Variants in PDE5A observed in about 807,000 individuals in gnomAD.
PDE5A encodes cGMP-specific 3',5'-cyclic phosphodiesterase.
In PDE5A, 67 loss-of-function variants were observed where a neutral mutation model predicts 110.2. That is an observed-to-expected ratio of 0.61 (90% CI 0.50 to 0.75). The LOEUF is 0.75. Among genes scored for constraint, PDE5A ranks in the 30% least tolerant of loss-of-function variants. The pLI, the probability that PDE5A is intolerant of heterozygous loss-of-function variation, is 0.00. For missense variants in PDE5A, 862 were observed against 1,045.1 expected, an observed-to-expected ratio of 0.82 and a Z score of 2.42; for synonymous variants, 328 against 351.2, an observed-to-expected ratio of 0.93 and a Z score of 0.74.
chr4:119,525,313 G>A lies in PDE5A; in HGVS notation c.1779+236C>T, dbSNP rs868214818. On this transcript the variant is annotated intron_variant, in intron 12 of 20. Transcript: ENST00000354960. This position sits in a 1 kb window ranked among gnomAD's most constrained non-coding sequence, Gnocchi z 4.3. ...TTGAACATCCTGCTCCTATTTTTAGGAACACTCTCCCTTAGTCTTCACCCT... is the reference window on the plus strand; with the variant it reads ...TTGAACATCCTGCTCCTATTTTTAGAAACACTCTCCCTTAGTCTTCACCCT... 7.2e-5 allele frequency among the ~76,000 whole-genome samples: 11 copies of A among 151,936 alleles called. No individual in the cohort carries two copies. Among genetic ancestry groups the A allele is most frequent in the Middle Eastern group, 3.4e-3 (1 of 294 alleles).
chr4:119,591,660 T>C (rs1422040240), intron 3 of PDE5A, among the ~76,000 whole-genome samples: 1 of 152,222 alleles, frequency 6.6e-6, no homozygotes, highest in African/African-American at 2.4e-5. Flanking sequence ...CCTGGGTTTA[T>C]TTTTTGGCCA....
intron 7 of PDE5A, among the ~76,000 whole-genome samples, chr4:119,559,096 T>G (rs1727649461): frequency 6.6e-6 from 1 of 152,152 alleles, no homozygotes; most frequent in African/African-American, 2.4e-5. Context: ...ATCTTTATAC[T>G]AAGACTGTCT....
chr4:119,517,600 TTCTTTC>T (rs1725960109), intron 14 of PDE5A, among the ~76,000 whole-genome samples: 1 of 140,252 alleles, frequency 7.1e-6, no homozygotes, highest in Non-Finnish European at 1.6e-5. Context: ...CTTTTTCTTT[TTCTTTC>T]TTTTTTTTTT....
intron 14 of PDE5A, chr4:119,517,188 A>G (rs1243333367): frequency 1.3e-5 from 2 of 151,720 alleles, no homozygotes; most frequent in South Asian, 2.1e-4. Context: ...CCACATGACC[A>G]TTTTTCTCTT....
chr4:119,624,951 A>C (rs1730287278), intron 1 of PDE5A, among the ~76,000 whole-genome samples: 1 of 152,086 alleles, frequency 6.6e-6, no homozygotes, highest in South Asian at 2.1e-4. Context: ...TGAATCATTC[A>C]ATTGACACCT....
chr4:119,539,205 G>A, intron 10 of PDE5A, 186 bp from the exon 11 acceptor site: 2 of 565,384 alleles, frequency 3.5e-6, no homozygotes, highest in Non-Finnish European at 6.5e-6. Flanking sequence ...GCTTGTTTTG[G>A]AAAACAAAAA....
intron 1 of PDE5A, among the ~76,000 whole-genome samples, chr4:119,620,567 G>A (rs1241892939): frequency 6.6e-6 from 1 of 152,092 alleles, no homozygotes; most frequent in Non-Finnish European, 1.5e-5. Flanking sequence ...GGGAGAGACT[G>A]GACTACAATG....
chr4:119,524,363 T>C (rs929089038), intron 12 of PDE5A, among the ~76,000 whole-genome samples: 2 of 152,152 alleles, frequency 1.3e-5, no homozygotes, highest in Non-Finnish European at 2.9e-5. Context: ...ACAGCCTTTC[T>C]AGAGAACTTG....
At chr4:119,578,420 C>A (rs1345344663) in intron 3 of PDE5A, among the ~76,000 whole-genome samples, 3 of 152,182 alleles carry the variant, frequency 2.0e-5, no homozygotes, top group Non-Finnish European at 4.4e-5. Flanking sequence ...AGGCATCACG[C>A]TACCTGACTT....
chr4:119,621,932 AG>A (rs1730161060), intron 1 of PDE5A, among the ~76,000 whole-genome samples: 2 of 152,170 alleles, frequency 1.3e-5, no homozygotes, highest in Admixed American at 1.3e-4. Context: ...GCACTTTGGG[AG>A]GCCGAGGCGG....
At chr4:119,551,395 T>C (rs967877701) in intron 9 of PDE5A, among the ~76,000 whole-genome samples, 3 of 152,322 alleles carry the variant, frequency 2.0e-5, no homozygotes, top group Admixed American at 2.0e-4. Flanking sequence ...CAAGTTGGAT[T>C]GGTGGGACTG....
rs1177091507 is a variant in PDE5A, at chr4:119,504,693, C to T, written c.2268-94G>A. The T allele has an allele frequency of 3.2e-6, 3 of 933,668 alleles. No individual in the cohort carries two copies. The African/African-American group carries it at 5.0e-5, about 16-fold the overall frequency. 57.8% of individuals were successfully genotyped at this position (933,668 alleles called of 1,614,324 possible). On this transcript the variant is annotated intron_variant, in intron 17 of 20. Coordinates refer to ENST00000354960, the MANE Select transcript of PDE5A (RefSeq NM_001083.4). ...TTACTAATAAAAAAAAGTTAAAACC[C>T]TCTAAACAATGGAAATGGCAGTTTA...
chr4:119,607,292 A>C lies in PDE5A; in HGVS notation c.158T>G (p.Met53Arg). Residue 53 changes from methionine to arginine, a missense_variant, in exon 2 of 21, where the codon ATG (methionine) becomes AGG (arginine). Coordinates refer to ENST00000354960, the MANE Select transcript of PDE5A (RefSeq NM_001083.4). ...TCTCTCAGCAAACCATGCATTGACC[A>C]TTTCTCTGCAGAACAGAACGTGCAG... ...SYFVRKATRE[M>R]VNAWFAERVH... 1 of 1,605,676 alleles carries C rather than the reference A, an allele frequency of 6.2e-7. No individual in the cohort carries two copies. The highest frequency in any genetic ancestry group is 8.5e-7 in the Non-Finnish European group (1 of 1,177,074).
At chr4:119,599,240 T>A (rs1729256980) in intron 2 of PDE5A, among the ~76,000 whole-genome samples, 1 of 152,050 alleles carries the variant, frequency 6.6e-6, no homozygotes, top group Non-Finnish European at 1.5e-5. Flanking sequence ...GAAGAGGATA[T>A]AATCCAAATG....
At chr4:119,587,416 G>A (rs1188561926) in intron 3 of PDE5A, among the ~76,000 whole-genome samples, 8 of 147,334 alleles carry the variant, frequency 5.4e-5, no homozygotes, top group African/African-American at 1.3e-4. Context: ...TCGCTCTGTC[G>A]CCCAGGCCGG....
chr4:119,560,043 T>C (rs560039976), intron 7 of PDE5A, among the ~76,000 whole-genome samples: 9 of 152,316 alleles, frequency 5.9e-5, no homozygotes, highest in Admixed American at 5.2e-4. Flanking sequence ...TTGTACCACA[T>C]TGTCAAAATA....
intron 1 of PDE5A, among the ~76,000 whole-genome samples, chr4:119,621,528 T>C (rs562616968): frequency 2.2e-4 from 33 of 151,938 alleles, no homozygotes; most frequent in African/African-American, 7.5e-4. Flanking sequence ...AAAAGATACA[T>C]GGATAGATGA....
chr4:119,605,223 CACTT>C (rs911017497), intron 2 of PDE5A, among the ~76,000 whole-genome samples: 2 of 152,170 alleles, frequency 1.3e-5, no homozygotes, highest in African/African-American at 4.8e-5. Context: ...CTTATCCACA[CACTT>C]ACATGGTCCT....
At chr4:119,519,192 G>C in intron 13 of PDE5A, 53 bp from the exon 14 acceptor site, 9 of 1,287,068 alleles carry the variant, frequency 7.0e-6, no homozygotes, top group Non-Finnish European at 9.1e-6. Context: ...ATGTGGTGAA[G>C]GACATTATAT....
Sources: allele counts gnomAD v4.1 joint callset (sites outside exome capture counted in the v4.1 genomes callset), GRCh38; gene constraint gnomAD v4.1.1; non-coding constraint Gnocchi (gnomAD v3.1); transcripts MANE v1.5; gene names NCBI Gene and HGNC (gene_info 2026-07-23, HGNC 2026-07-21).